The following ITPR1 variants were observed in gnomAD, a reference collection of about 807,000 sequenced individuals.
ITPR1 encodes inositol 1,4,5-trisphosphate-gated calcium channel ITPR1.
ITPR1 carries 96 observed loss-of-function variants against 318.4 expected under a neutral mutation model. That is an observed-to-expected ratio of 0.30 (90% CI 0.26 to 0.36). The LOEUF is 0.36. Ranked by LOEUF, ITPR1 falls within the 10% of genes least tolerant of loss-of-function variation. ITPR1 has a pLI of 1.00. For synonymous variants in ITPR1, 1,312 were observed against 1,289.9 expected, an observed-to-expected ratio of 1.02 and a Z score of -0.37; for missense variants, 2,440 against 3,460.2, an observed-to-expected ratio of 0.71 and a Z score of 7.40.
intron 4 of ITPR1, among the ~76,000 whole-genome samples, chr3:4,584,648 A>G (rs1185224062): frequency 3.3e-5 from 5 of 151,628 alleles, no homozygotes; most frequent in Non-Finnish European, 7.4e-5. Context: ...CAGAATGCGG[A>G]GGCTGCCACT....
In ITPR1 at chr3:4,788,143, G is replaced by A. The variant is rs746724784; in HGVS notation, c.6808+4G>A. On this transcript the variant is annotated splice_donor_region_variant and intron_variant, in intron 52 of 61. Coordinates refer to ENST00000649015, the MANE Select transcript of ITPR1 (RefSeq NM_001378452.1). Reference sequence around the variant, plus strand: ...AATTGGCAGAAGAAACTGAGAGGTGGGTTCCAACGCATCAGCAACAACACA... The same window carrying A: ...AATTGGCAGAAGAAACTGAGAGGTGAGTTCCAACGCATCAGCAACAACACA... The A allele has an allele frequency of 1.1e-5, 17 of 1,594,202 alleles. No individual in the cohort carries two copies. Among genetic ancestry groups the A allele is most frequent in the Admixed American group, 3.5e-5 (2 of 57,046 alleles).
intron 4 of ITPR1, among the ~76,000 whole-genome samples, chr3:4,533,775 C>T (rs1462645975): frequency 6.6e-6 from 1 of 152,158 alleles, no homozygotes; most frequent in Non-Finnish European, 1.5e-5. Context: ...GAAAAGAAGC[C>T]ATCAGGGCTT....
intron 5 of ITPR1, among the ~76,000 whole-genome samples, chr3:4,632,834 A>G (rs1351525896): frequency 6.6e-6 from 1 of 151,788 alleles, no homozygotes; most frequent in Non-Finnish European, 1.5e-5. Flanking sequence ...AAAGAGAAAA[A>G]CAGAAATCTC....
intron 44 of ITPR1, among the ~76,000 whole-genome samples, chr3:4,755,679 T>C (rs186691579): frequency 1.3e-5 from 2 of 152,326 alleles, no homozygotes; most frequent in Admixed American, 6.5e-5. Context: ...GTGACCAGAT[T>C]AATAAGAGTG....
intron 60 of ITPR1, among the ~76,000 whole-genome samples, chr3:4,830,118 C>A (rs774378429): frequency 1.6e-4 from 25 of 151,974 alleles, no homozygotes; most frequent in South Asian, 2.1e-4. Flanking sequence ...GGATTACAGG[C>A]ACATGCCACC....
intron 44 of ITPR1, among the ~76,000 whole-genome samples, chr3:4,737,857 G>T (rs972172566): frequency 1.3e-5 from 2 of 152,172 alleles, no homozygotes; most frequent in Non-Finnish European, 2.9e-5. Context: ...TTGTTTGGGT[G>T]GTGGTTACAT....
At position 4,766,707 on chromosome 3, in the gene ITPR1, A is replaced by G. The variant is rs773378793; in HGVS notation, c.5722A>G (p.Lys1908Glu). ...AGACAGGGATGCCCCATCACGGAAAAAAGGTAAATGTTCCTCAGTCTTCAG... is the reference window on the plus strand; with the variant it reads ...AGACAGGGATGCCCCATCACGGAAAGAAGGTAAATGTTCCTCAGTCTTCAG... Reference protein sequence around the residue: ...EVDRDAPSRKKAKEPTTQITE... With the variant: ...EVDRDAPSRKEAKEPTTQITE... Residue 1908 changes from lysine to glutamate, a missense_variant, in exon 45 of 62, where the codon AAA (lysine) becomes GAA (glutamate). This residue lies in a region of ITPR1 where 113 missense variants were observed against 103.6 expected (regional missense o/e 1.09). Transcript: ENST00000649015. 1 of 1,597,118 alleles carries G rather than the reference A, an allele frequency of 6.3e-7. No homozygotes were observed. Among genetic ancestry groups the G allele is most frequent in the African/African-American group, 1.3e-5 (1 of 74,106 alleles).
intron 61 of ITPR1, among the ~76,000 whole-genome samples, chr3:4,840,087 A>C (rs188434248): frequency 6.9e-5 from 8 of 115,708 alleles, no homozygotes; most frequent in East Asian, 2.5e-4. Context: ...GCATCTTTTA[A>C]AAGGAAGTAG....
intron 2 of ITPR1, among the ~76,000 whole-genome samples, chr3:4,500,876 C>T (rs2080969031): frequency 1.3e-5 from 2 of 152,062 alleles, no homozygotes; most frequent in African/African-American, 4.8e-5. Context: ...GTTTTTGAAA[C>T]AGGGTCTTGC....
chr3:4,635,498 G>A (rs1314215106), intron 5 of ITPR1, among the ~76,000 whole-genome samples: 7 of 151,730 alleles, frequency 4.6e-5, no homozygotes, highest in Non-Finnish European at 8.8e-5. Context: ...CCGCCACCAC[G>A]CCCGGCTAAT....
chr3:4,548,010 T>A (rs1282091488), intron 4 of ITPR1, among the ~76,000 whole-genome samples: 3 of 152,356 alleles, frequency 2.0e-5, no homozygotes, highest in Admixed American at 1.3e-4. Flanking sequence ...TTCTTATTTC[T>A]CATGTTGAAT....
At chr3:4,622,806 C>T (rs1176426256) in intron 4 of ITPR1, among the ~76,000 whole-genome samples, 1 of 152,236 alleles carries the variant, frequency 6.6e-6, no homozygotes, top group Non-Finnish European at 1.5e-5. Flanking sequence ...GCAGTTGTTT[C>T]TGGAGCACTG....
intron 4 of ITPR1, among the ~76,000 whole-genome samples, chr3:4,599,726 G>A (rs962592036): frequency 1.1e-4 from 16 of 152,186 alleles, no homozygotes; most frequent in African/African-American, 3.9e-4. Flanking sequence ...AGTGGCTGCT[G>A]TTTTTGCAGC....
chr3:4,757,560 G>A (rs1259329685), intron 44 of ITPR1, among the ~76,000 whole-genome samples: 1 of 152,154 alleles, frequency 6.6e-6, no homozygotes, highest in African/African-American at 2.4e-5. Context: ...CAGAGCATGT[G>A]GTTGGGAACA....
chr3:4,689,902 G>A (rs6803045), intron 31 of ITPR1, among the ~76,000 whole-genome samples: 76,301 of 151,926 alleles, frequency 0.5, 19,919 homozygotes, highest in Non-Finnish European at 0.56. Flanking sequence ...AGACATTTGC[G>A]ATGCACGTTC....
intron 44 of ITPR1, among the ~76,000 whole-genome samples, chr3:4,761,728 C>T (rs758308416): frequency 3.9e-5 from 6 of 152,132 alleles, no homozygotes; most frequent in Admixed American, 2.0e-4. Context: ...GGCAGTGTAG[C>T]GGGTAGAGGG....
chr3:4,556,482 A>C (rs1487704003), intron 4 of ITPR1, among the ~76,000 whole-genome samples: 30 of 146,758 alleles, frequency 2.0e-4, no homozygotes, highest in Admixed American at 3.4e-4. Flanking sequence ...CCCTCCCCCC[A>C]ACCCCTGGCA....
At chr3:4,609,988 C>T (rs116151412) in intron 4 of ITPR1, among the ~76,000 whole-genome samples, 1,642 of 152,264 alleles carry the variant, frequency 0.011, 20 homozygotes, top group Middle Eastern at 0.024. Flanking sequence ...GAGGGGGGAC[C>T]AGGTCAGCTG....
chr3:4,507,207 G>A (rs917998077), intron 2 of ITPR1, among the ~76,000 whole-genome samples: 2 of 150,150 alleles, frequency 1.3e-5, no homozygotes, highest in African/African-American at 2.5e-5. Context: ...GTTACATCAT[G>A]TGCCTTGCAG....
Sources: allele counts gnomAD v4.1 joint callset (sites outside exome capture counted in the v4.1 genomes callset), GRCh38; gene constraint gnomAD v4.1.1; regional missense constraint gnomAD v4.1.1; transcripts MANE v1.5; gene names NCBI Gene and HGNC (gene_info 2026-07-23, HGNC 2026-07-21).